CROCC2: variants seen among roughly 807,000 people sequenced by gnomAD.
CROCC2 encodes the protein ciliary rootlet coiled-coil, rootletin family member 2.
In CROCC2, 163 loss-of-function variants were observed where a neutral mutation model predicts 177.6. The observed-to-expected ratio is 0.92, with a 90% CI of 0.81 to 1.05. CROCC2 has a LOEUF of 1.05. Among genes scored for constraint, CROCC2 ranks in the 50% least tolerant of loss-of-function variants. The pLI is 0.00. For synonymous variants in CROCC2, 904 were observed against 787.3 expected (o/e 1.15, Z -2.48); for missense variants, 1,929 against 1,797.8 (o/e 1.07, Z -1.32).
chr2:240,948,506 C>T (rs1451692026), intron 15 of CROCC2, among the ~76,000 whole-genome samples: 1 of 152,168 alleles, frequency 6.6e-6, no homozygotes. Flanking sequence ...GCTTTGTTCA[C>T]GGATAAACAC....
chr2:240,929,567 G>A (rs999857582), intron 5 of CROCC2: 10 of 428,208 alleles, frequency 2.3e-5, no homozygotes, highest in South Asian at 8.1e-5. Flanking sequence ...GCCTTGTCTC[G>A]GTTGTGGCTT....
At chr2:240,916,918 G>A (rs1307010013) in intron 1 of CROCC2, among the ~76,000 whole-genome samples, 1 of 152,162 alleles carries the variant, frequency 6.6e-6, no homozygotes, top group Non-Finnish European at 1.5e-5. Context: ...GAACAGAATG[G>A]CTGAGCCCCT....
chr2:240,920,901 C>T (rs1311787511), intron 3 of CROCC2, among the ~76,000 whole-genome samples: 2 of 152,194 alleles, frequency 1.3e-5, no homozygotes, highest in East Asian at 3.9e-4. Context: ...GGAGCCAGTG[C>T]GTGGAGTGGG....
intron 20 of CROCC2, 43 bp from the exon 21 acceptor site, chr2:240,963,513 A>T: frequency 2.7e-6 from 4 of 1,468,366 alleles, no homozygotes; most frequent in Non-Finnish European, 3.6e-6. Flanking sequence ...TCCCTGGAGC[A>T]GTGGTCCCCA....
At chr2:240,921,044 G>A (rs1305056131) in intron 3 of CROCC2, among the ~76,000 whole-genome samples, 2 of 152,206 alleles carry the variant, frequency 1.3e-5, no homozygotes, top group Non-Finnish European at 2.9e-5. Context: ...GAGCCAGCCA[G>A]TGATCACCCA....
intron 30 of CROCC2, 111 bp downstream of exon 30, chr2:240,989,944 G>T (rs2059866631): frequency 9.8e-7 from 1 of 1,022,978 alleles, no homozygotes; most frequent in Non-Finnish European, 1.4e-6. Context: ...AGCAACAGGG[G>T]CTCTCCACTG....
chr2:240,959,139 G>A, intron 19 of CROCC2, 162 bp from the exon 20 acceptor site: 1 of 776,144 alleles, frequency 1.3e-6, no homozygotes, highest in Non-Finnish European at 2.0e-6. Flanking sequence ...GACAGTTTAG[G>A]AAACCAAGGG....
In CROCC2 at chr2:240,967,425, C is replaced by G. The variant is rs773603391; in HGVS notation, c.4227C>G (p.Arg1409=). ...GCAGGTGTGCCCGGGCCCAGAGCCG[C>G]GTGGGGCAGCTGCAGAAAGCCCTGG... is the stretch of plus-strand genomic sequence containing the variant. ...AECRCARAQS[R]VGQLQKALAE... The change falls in exon 26 of 32, where the codon CGC becomes CGG. Residue 1409 remains arginine (R), a synonymous_variant. Transcript: ENST00000690015. The G allele has an allele frequency of 8.0e-7, 1 of 1,248,704 alleles. No homozygotes were observed. Among genetic ancestry groups the G allele is most frequent in the African/African-American group, 1.5e-5 (1 of 67,172 alleles). 77.4% of individuals were successfully genotyped at this position (1,248,704 alleles called of 1,614,324 possible). A position where few individuals can be genotyped will look rare whatever the true frequency, so the allele number is the denominator to read the frequency against.
chr2:240,963,387 C>A (rs2059655904), intron 20 of CROCC2, 169 bp from the exon 21 acceptor site: 2 of 681,792 alleles, frequency 2.9e-6, no homozygotes, highest in Non-Finnish European at 4.7e-6. Context: ...GCCCTGCAGC[C>A]TCCGCAGCAC....
At chr2:240,929,856 G>A (rs991469027) in intron 5 of CROCC2, among the ~76,000 whole-genome samples, 8 of 152,164 alleles carry the variant, frequency 5.3e-5, no homozygotes, top group African/African-American at 9.7e-5. Flanking sequence ...CTGGGGAGCC[G>A]CGACTGAGTC....
At chr2:240,937,739 CA>C (rs1291987756) in intron 14 of CROCC2, among the ~76,000 whole-genome samples, 1 of 152,104 alleles carries the variant, frequency 6.6e-6, no homozygotes, top group Non-Finnish European at 1.5e-5. Context: ...TAAACATCAC[CA>C]GGTGATATGG....
intron 14 of CROCC2, among the ~76,000 whole-genome samples, chr2:240,936,169 T>C (rs2059469035): frequency 6.6e-6 from 1 of 152,226 alleles, no homozygotes; most frequent in South Asian, 2.1e-4. Context: ...TTCTGCCTTG[T>C]CCTTTTCTGG....
At chr2:240,975,893 C>A (rs964829195) in intron 27 of CROCC2, among the ~76,000 whole-genome samples, 1 of 151,968 alleles carries the variant, frequency 6.6e-6, no homozygotes, top group South Asian at 2.1e-4. Context: ...CCACGCCCGG[C>A]TAATTTTTTG....
chr2:240,950,909 AT>A, intron 18 of CROCC2: 3 of 100,058 alleles, frequency 3.0e-5, no homozygotes, highest in Non-Finnish European at 4.3e-5. Flanking sequence ...CCATCCATCC[AT>A]CCAGCCATCC....
chr2:240,976,084 C>T (rs2059761631), intron 27 of CROCC2, among the ~76,000 whole-genome samples: 1 of 152,244 alleles, frequency 6.6e-6, no homozygotes, highest in Admixed American at 6.5e-5. Flanking sequence ...ATACCCATGC[C>T]CCAGATGGGG....
rs987908792 is a variant in CROCC2 at position 240,991,935 on chromosome 2, G to A, written c.4946+657G>A. Among the ~76,000 whole-genome samples the A allele has an allele frequency of 8.5e-5, 13 of 152,332 alleles. No homozygotes were observed. In the East Asian group the frequency reaches 1.9e-3, roughly 23 times the overall value. On this transcript the variant is annotated intron_variant, in intron 31 of 31. Transcript: ENST00000690015. ...GTGAGCCTCCGCATCCAGGAACTGC[G>A]GCCGTCACGGTGGCAGGTGGCTGGA... is the stretch of plus-strand genomic sequence containing the variant.
intron 18 of CROCC2, among the ~76,000 whole-genome samples, chr2:240,952,988 C>T (rs569032198): frequency 5.6e-4 from 86 of 152,258 alleles, no homozygotes; most frequent in African/African-American, 1.9e-3. Flanking sequence ...GTGGGTGGCC[C>T]GTCAAGGCCC....
At position 240,935,752 on chromosome 2, in the gene CROCC2, G is replaced by A. The variant is rs564328084; in HGVS notation, c.2169+164G>A. 3.3e-5 allele frequency among the ~76,000 whole-genome samples: 5 copies of A among 151,122 alleles called. No homozygotes were observed. The South Asian group carries it at 8.3e-4, about 25-fold the overall frequency. ...GTGCTGGCCTCCCCGTGGGGGTGGG[G>A]GCAGGGGGAAGGTATGCAGAGAAGA... On this transcript the variant is annotated intron_variant, in intron 14 of 31. Transcript: ENST00000690015.
At position 240,932,406 on chromosome 2, in the gene CROCC2, C is replaced by T. The variant is rs1442695265; in HGVS notation, c.1036C>T (p.Gln346Ter). 1.4e-6 allele frequency: 1 copy of T among 717,500 alleles called. No individual in the cohort carries two copies. The allele number at this position is 717,500 out of a possible 1,614,324, so 44.4% of individuals were successfully genotyped here. A position where few individuals can be genotyped will look rare whatever the true frequency, so the allele number is the denominator to read the frequency against. ...KTIAALRTDL[Q>*]NLVAQEDARC... ...CATCGCTGCCCTCAGAACCGACCTGCAGAACCTGGTTGGTGGGCAGGACGG... is the reference window on the plus strand; with the variant it reads ...CATCGCTGCCCTCAGAACCGACCTGTAGAACCTGGTTGGTGGGCAGGACGG... The change falls in exon 8 of 32, where the codon CAG becomes TAG. Residue 346 changes from glutamine to a stop codon, truncating the protein, a stop_gained. Transcript: ENST00000690015. LOFTEE classifies it high-confidence loss of function.
Sources: allele counts gnomAD v4.1 joint callset (sites outside exome capture counted in the v4.1 genomes callset), GRCh38; gene constraint gnomAD v4.1.1; transcripts MANE v1.5; gene names NCBI Gene and HGNC (gene_info 2026-07-23, HGNC 2026-07-21).